The following CYFIP2 variants were observed in gnomAD, a reference collection of about 807,000 sequenced individuals.
CYFIP2 encodes the protein cytoplasmic FMR1 interacting protein 2, also known as cytoplasmic FMR1-interacting protein 2.
A neutral mutation model predicts 158.7 loss-of-function variants in CYFIP2; 29 were observed. The observed-to-expected ratio is 0.18, with a 90% confidence interval of 0.14 to 0.25. The LOEUF (loss-of-function observed/expected upper bound fraction) is 0.25. Ranked by LOEUF, CYFIP2 falls within the 10% of genes least tolerant of loss-of-function variation. The pLI, the probability that CYFIP2 is intolerant of heterozygous loss-of-function variation, is 1.00. For missense variants in CYFIP2, 852 were observed against 1,639.5 expected, an observed-to-expected ratio of 0.52 and a Z score of 8.29; for synonymous variants, 585 against 617.6, an observed-to-expected ratio of 0.95 and a Z score of 0.78.
rs143886830 is a variant in CYFIP2, at chr5:157,322,852, TTCTC to T, written c.1672-1055_1672-1052del. 458 of 1,245,616 alleles carry T rather than the reference TTCTC, an allele frequency of 3.7e-4. 2 individuals carry two copies. In the African/African-American group the frequency reaches 4.2e-3, roughly 12 times the overall value. The allele number at this position is 1,245,616 out of a possible 1,614,324, so 77.2% of individuals were successfully genotyped here. On this transcript the variant is annotated intron_variant, in intron 15 of 30. Coordinates refer to ENST00000620254, the MANE Select transcript of CYFIP2 (RefSeq NM_001037333.3). ...CCACCGTATACAATACCTCTTGCTT[TTCTC>T]TCTCTCTCTCTCTTTCTCTCTCTCC...
rs115542008 is a variant in CYFIP2, at chr5:157,356,580, C to T, written c.2674-2425C>T. ...CATCACCCTAGGAAGTCCTCTCATG[C>T]CCCTTTCCAGTTAGTCTCCTCCTCC... is the stretch of plus-strand genomic sequence containing the variant. On this transcript the variant is annotated intron_variant, in intron 23 of 30. Coordinates refer to ENST00000620254, the MANE Select transcript of CYFIP2 (RefSeq NM_001037333.3). Among the ~76,000 whole-genome samples, 1,520 of 152,228 alleles carry T rather than the reference C, an allele frequency of 1.0e-2. 31 individuals are homozygous for T. The highest frequency in any genetic ancestry group is 0.033 in the African/African-American group (1,367 of 41,510).
At position 157,311,243 on chromosome 5, in the gene CYFIP2, GC is replaced by G; in HGVS notation, c.993-415del. The G allele has an allele frequency of 5.3e-6, 2 of 375,724 alleles. No homozygotes were observed. The highest frequency in any genetic ancestry group is 1.1e-5 in the Non-Finnish European group (2 of 189,862). The allele number at this position is 375,724 out of a possible 1,614,324, so 23.3% of individuals were successfully genotyped here. On this transcript the variant is annotated intron_variant, in intron 10 of 30. Coordinates refer to ENST00000620254, the MANE Select transcript of CYFIP2 (RefSeq NM_001037333.3). This position sits in a 1 kb window ranked among gnomAD's most constrained non-coding sequence, Gnocchi z 4.7. ...ATATTTCCGCAATCCCAGCCCAAAG[GC>G]CCCCCAAAGCCAGCTTCAACCGCAG...
At chr5:157,362,450 A>T (rs1267200838) in intron 26 of CYFIP2, among the ~76,000 whole-genome samples, 2 of 152,150 alleles carry the variant, frequency 1.3e-5, no homozygotes, top group African/African-American at 4.8e-5. Flanking sequence ...CTGTTGTTTT[A>T]AGTTAGTTAC....
intron 5 of CYFIP2, among the ~76,000 whole-genome samples, chr5:157,298,345 T>C (rs773696663): frequency 7.9e-5 from 12 of 152,098 alleles, no homozygotes; most frequent in Non-Finnish European, 1.8e-4. Flanking sequence ...TATTTATTTA[T>C]TTTTGAGACA....
intron 21 of CYFIP2, among the ~76,000 whole-genome samples, chr5:157,337,304 A>G (rs1487924147): frequency 6.6e-6 from 1 of 152,200 alleles, no homozygotes; most frequent in Non-Finnish European, 1.5e-5. Flanking sequence ...CCAGAATTGA[A>G]ATTCTGACCT....
At chr5:157,360,488 T>C (rs1373159235) in intron 25 of CYFIP2, 116 bp downstream of exon 25, 2 of 735,760 alleles carry the variant, frequency 2.7e-6, no homozygotes, top group Non-Finnish European at 2.2e-6. Flanking sequence ...GTACTGGCTA[T>C]CCATCCTACC....
chr5:157,392,747 C>G, intron 30 of CYFIP2, 86 bp from the exon 31 acceptor site: 1 of 1,468,408 alleles, frequency 6.8e-7, no homozygotes, highest in South Asian at 1.3e-5. Context: ...GCAGGGGACC[C>G]TGGACCTCAG....
chr5:157,309,929 A>G (rs1194319272), intron 10 of CYFIP2, 95 bp downstream of exon 10: 3 of 1,166,288 alleles, frequency 2.6e-6, no homozygotes, highest in Admixed American at 4.1e-5. Flanking sequence ...CCCTCCCCAG[A>G]TCCCTGGGCA....
rs1760443160 is a variant in CYFIP2, at chr5:157,319,802, G to A, written c.1397G>A (p.Arg466Lys). Reference sequence around the variant, plus strand: ...AAAGGCCTGCAGGTGCTCATGGGCAGGATGGAGAGCGTCTTCAACCAGGCC... The same window carrying A: ...AAAGGCCTGCAGGTGCTCATGGGCAAGATGGAGAGCGTCTTCAACCAGGCC... ...MIKGLQVLMG[R>K]MESVFNQAIR... Residue 466 changes from arginine to lysine, a missense_variant, in exon 14 of 31, where the codon AGG (arginine) becomes AAG (lysine). By Grantham distance (26) the Arg-to-Lys change is conservative (BLOSUM62 2). Around this residue, in one of 8 missense-constraint regions of CYFIP2, gnomAD observed 167 missense variants for 343.3 expected, o/e 0.49. Transcript: ENST00000620254. 2 of 1,614,010 alleles carry A rather than the reference G, an allele frequency of 1.2e-6. No individual in the cohort carries two copies. The highest frequency in any genetic ancestry group is 1.1e-5 in the South Asian group (1 of 91,088).
chr5:157,380,792 T>C (rs1376069931), intron 26 of CYFIP2, among the ~76,000 whole-genome samples: 1 of 152,240 alleles, frequency 6.6e-6, no homozygotes, highest in Non-Finnish European at 1.5e-5. Flanking sequence ...TATGAAAGAT[T>C]AGCCTGAATG....
chr5:157,386,128 C>T (rs1483614330), intron 28 of CYFIP2, among the ~76,000 whole-genome samples: 1 of 152,096 alleles, frequency 6.6e-6, no homozygotes, highest in Non-Finnish European at 1.5e-5. Flanking sequence ...CTGGCCTTAC[C>T]AGTAATCAGT....
Position 157,359,174 on chromosome 5 carries a change from G to C in CYFIP2, c.2817+26G>C, listed in dbSNP as rs775320091. The C allele has an allele frequency of 4.3e-6, 7 of 1,613,374 alleles. No individual in the cohort carries two copies. In the South Asian group the frequency reaches 7.7e-5, roughly 18 times the overall value. On this transcript the variant is annotated intron_variant, in intron 24 of 30. Transcript: ENST00000620254. ...GTAAGGAAAGGCCTCAGTGTGGCTT[G>C]AGATATGCCCATGTGGGTTTGACAT...
chr5:157,274,199 T>C (rs1756356606), intron 1 of CYFIP2, among the ~76,000 whole-genome samples: 1 of 150,662 alleles, frequency 6.6e-6, no homozygotes, highest in Non-Finnish European at 1.5e-5. Flanking sequence ...CCCATAATCG[T>C]AGTCAGTTTT....
intron 3 of CYFIP2, chr5:157,288,638 C>G (rs1244126745): frequency 4.4e-6 from 2 of 456,056 alleles, no homozygotes; most frequent in Non-Finnish European, 8.8e-6. Context: ...GTCTCATTTG[C>G]TCCTGACATC....
chr5:157,395,288 T>C lies in CYFIP2; in HGVS notation c.*2288T>C, dbSNP rs115781943. The C allele has an allele frequency of 3.6e-6, 1 of 276,862 alleles. No individual in the cohort carries two copies. The highest frequency in any genetic ancestry group is 1.3e-4 in the East Asian group (1 of 7,846). The allele number at this position is 276,862 out of a possible 1,614,324, so 17.2% of individuals were successfully genotyped here. The stretch of plus-strand genomic sequence containing the variant: ...CTGCCCCAGCCTCTTTTTATTTTTT[T>C]TGTGTGTGTCTAATAACCAGGAAAA... On this transcript the variant is annotated 3_prime_UTR_variant, in exon 31 of 31. Transcript: ENST00000620254.
intron 21 of CYFIP2, among the ~76,000 whole-genome samples, chr5:157,335,318 C>A (rs538211116): frequency 2.0e-5 from 3 of 152,316 alleles, no homozygotes; most frequent in Non-Finnish European, 4.4e-5. Context: ...TGCTCTGTTG[C>A]CTAGGCTGTA....
chr5:157,269,705 A>T (rs1755919533), intron 1 of CYFIP2: 1 of 152,194 alleles, frequency 6.6e-6, no homozygotes, highest in Admixed American at 6.5e-5. Flanking sequence ...TATTAATTAT[A>T]TATTGTGTGT....
chr5:157,316,122 A>C (rs1760124121), intron 13 of CYFIP2, among the ~76,000 whole-genome samples: 1 of 152,136 alleles, frequency 6.6e-6, no homozygotes, highest in Non-Finnish European at 1.5e-5. Flanking sequence ...GTAAAAAAAT[A>C]TACCTACATG....
At position 157,361,403 on chromosome 5, in the gene CYFIP2, T is replaced by C; in HGVS notation, c.2909-65T>C. 2 of 1,607,528 alleles carry C rather than the reference T, an allele frequency of 1.2e-6. No individual in the cohort carries two copies. Among genetic ancestry groups the C allele is most frequent in the South Asian group, 1.1e-5 (1 of 90,722 alleles). On this transcript the variant is annotated intron_variant, in intron 25 of 30. Transcript: ENST00000620254. This position sits in a 1 kb window ranked among gnomAD's most constrained non-coding sequence, Gnocchi z 4.4. ...CAGGTCTGGGGCTGCCACTCAGTCA[T>C]TGTTTCCCATAGACCCTACTGAGCA...
Sources: gnomAD v4.1 joint callset for allele counts (sites outside exome capture counted in the v4.1 genomes callset) on GRCh38, gnomAD v4.1.1 for gene constraint, gnomAD v4.1.1 regional missense constraint, Gnocchi (gnomAD v3.1) non-coding constraint, MANE v1.5 for transcripts, NCBI Gene and HGNC (gene_info 2026-07-23, HGNC 2026-07-21) for gene names.